The following PHC3 variants were observed in gnomAD, a reference collection of about 807,000 sequenced individuals.
PHC3 encodes polyhomeotic homolog 3, also known as polyhomeotic-like protein 3.
A neutral mutation model predicts 107.4 loss-of-function variants in PHC3; 13 were observed. That is an observed-to-expected ratio of 0.12 (90% CI 0.08 to 0.19). The LOEUF (loss-of-function observed/expected upper bound fraction) is 0.19. Ranked by LOEUF, PHC3 falls within the 10% of genes least tolerant of loss-of-function variation. The pLI, the probability that PHC3 is intolerant of heterozygous loss-of-function variation, is 1.00. For missense variants in PHC3, 992 were observed against 1,210.9 expected, an observed-to-expected ratio of 0.82 and a Z score of 2.68; for synonymous variants, 456 against 427.4, an observed-to-expected ratio of 1.07 and a Z score of -0.83.
At chr3:170,172,479 T>C (rs1729760818) in intron 3 of PHC3, 78 bp downstream of exon 3, 2 of 1,466,306 alleles carry the variant, frequency 1.4e-6, no homozygotes, top group Non-Finnish European at 9.3e-7. Context: ...TCTGAAATAA[T>C]ACCCAATCTA....
intron 4 of PHC3, among the ~76,000 whole-genome samples, chr3:170,164,057 C>G (rs1033833600): frequency 6.6e-6 from 1 of 151,938 alleles, no homozygotes; most frequent in African/African-American, 2.4e-5. Flanking sequence ...ACAAAAATAG[C>G]TGGGTGTGGA....
intron 12 of PHC3, among the ~76,000 whole-genome samples, chr3:170,104,077 TAAAAATAA>T (rs561157894): frequency 4.1e-4 from 62 of 151,816 alleles, no homozygotes; most frequent in Non-Finnish European, 7.1e-4. Context: ...CTCAAAACAA[TAAAAATAA>T]AAAAATAAAA....
chr3:170,108,872 C>T (rs1158029238), intron 11 of PHC3, among the ~76,000 whole-genome samples: 1 of 152,048 alleles, frequency 6.6e-6, no homozygotes, highest in East Asian at 1.9e-4. Flanking sequence ...TAGCAATGTC[C>T]AACACCTGAT....
At chr3:170,111,321 C>G (rs6768770) in intron 11 of PHC3, among the ~76,000 whole-genome samples, 3,369 of 77,970 alleles carry the variant, frequency 0.043, 41 homozygotes, top group Middle Eastern at 0.078. Flanking sequence ...AAGGAAGGAA[C>G]GAACGAACGA....
chr3:170,171,261 T>TA, intron 4 of PHC3, 112 bp downstream of exon 4: 3 of 741,830 alleles, frequency 4.0e-6, no homozygotes, highest in Non-Finnish European at 4.4e-6. Flanking sequence ...ATTGTTACTT[T>TA]AAACAGCATG....
At chr3:170,151,420 A>T (rs1422837758) in intron 4 of PHC3, among the ~76,000 whole-genome samples, 1 of 152,210 alleles carries the variant, frequency 6.6e-6, no homozygotes, top group Admixed American at 6.5e-5. Flanking sequence ...CTAGATCAAC[A>T]TGAAAAAATC....
chr3:170,151,041 TTTCTACTAAAAA>T (rs1725874062), intron 4 of PHC3, among the ~76,000 whole-genome samples: 1 of 151,950 alleles, frequency 6.6e-6, no homozygotes, highest in Non-Finnish European at 1.5e-5. Flanking sequence ...TGAAATCCCA[TTTCTACTAAAAA>T]TACAAAAATT....
At chr3:170,180,836 A>G (rs1731272090) in intron 1 of PHC3, among the ~76,000 whole-genome samples, 1 of 152,220 alleles carries the variant, frequency 6.6e-6, no homozygotes, top group African/African-American at 2.4e-5. Flanking sequence ...CAGAGAATCC[A>G]AATTCTCGGC....
intron 11 of PHC3, among the ~76,000 whole-genome samples, chr3:170,107,923 G>A (rs1368616889): frequency 6.6e-6 from 1 of 152,056 alleles, no homozygotes; most frequent in East Asian, 1.9e-4. Context: ...TCTGTAAAAT[G>A]GGGTTTATAA....
chr3:170,172,736 T>C (rs371374344), intron 2 of PHC3, 24 bp from the exon 3 acceptor site: 3 of 1,569,202 alleles, frequency 1.9e-6, no homozygotes, highest in African/African-American at 2.7e-5. Flanking sequence ...ATTGAACCAA[T>C]GTCAAACCAT....
intron 8 of PHC3, among the ~76,000 whole-genome samples, chr3:170,123,138 C>T (rs1720662919): frequency 6.6e-6 from 1 of 152,102 alleles, no homozygotes; most frequent in South Asian, 2.1e-4. Flanking sequence ...GCACACTAAG[C>T]GAATTCCTAC....
chr3:170,177,100 A>C (rs118169038), intron 2 of PHC3, among the ~76,000 whole-genome samples: 1 of 152,228 alleles, frequency 6.6e-6, no homozygotes, highest in East Asian at 1.9e-4. Context: ...CTCTGCCCCT[A>C]AGGTATTTAG....
At chr3:170,161,812 A>C (rs1727940728) in intron 4 of PHC3, among the ~76,000 whole-genome samples, 1 of 152,238 alleles carries the variant, frequency 6.6e-6, no homozygotes, top group Non-Finnish European at 1.5e-5. Flanking sequence ...CTCACGTAGC[A>C]GAGAAATTGC....
intron 10 of PHC3, among the ~76,000 whole-genome samples, chr3:170,115,334 T>C (rs1407315718): frequency 1.3e-5 from 2 of 152,114 alleles, no homozygotes; most frequent in African/African-American, 4.8e-5. Flanking sequence ...GAACTGTATG[T>C]ACCATAATCT....
In PHC3 at chr3:170,102,619, C is replaced by A. The variant is rs1194629525; in HGVS notation, c.2693G>T (p.Ser898Ile). ...AAGCTCACGTTCTCTTTCCCGCTCG[C>A]TCTGCCTGCGCAGACGAGTTGTCAT... ...SAMTTRLRRQ[S>I]ERERERELRD... The change falls in exon 14 of 15, where the codon AGC (serine) becomes ATC (isoleucine). Residue 898 changes from serine (S) to isoleucine (I), a missense_variant. Coordinates refer to ENST00000495893, the MANE Select transcript of PHC3 (RefSeq NM_024947.4). The A allele has an allele frequency of 6.2e-7, 1 of 1,614,018 alleles. No individual in the cohort carries two copies. The highest frequency in any genetic ancestry group is 8.5e-7 in the Non-Finnish European group (1 of 1,179,872).
chr3:170,160,149 T>C (rs1727646864), intron 4 of PHC3, among the ~76,000 whole-genome samples: 1 of 152,178 alleles, frequency 6.6e-6, no homozygotes, highest in Non-Finnish European at 1.5e-5. Context: ...GCATAGACTG[T>C]CCTCAGGAAT....
intron 6 of PHC3, 96 bp from the exon 7 acceptor site, chr3:170,136,761 A>G (rs1289399014): frequency 1.5e-5 from 19 of 1,304,502 alleles, no homozygotes; most frequent in Non-Finnish European, 1.9e-5. Flanking sequence ...ACACATTTAT[A>G]TTATGCTTTT....
rs747209409 is a variant in PHC3 at position 170,090,912 on chromosome 3, A to ACTAC, written c.*6314_*6317dup. 6 of 152,212 alleles carry ACTAC rather than the reference A, an allele frequency of 3.9e-5. No individual in the cohort carries two copies. Among genetic ancestry groups the ACTAC allele is most frequent in the Non-Finnish European group, 8.8e-5 (6 of 68,032 alleles). The allele number at this position is 152,212 out of a possible 1,614,324, so 9.4% of individuals were successfully genotyped here. Reference sequence around the variant, plus strand: ...ATAGATTATTTACTGATTATTTAATACTACCCAAAACAAAAAATACTTTTA... The same window carrying ACTAC: ...ATAGATTATTTACTGATTATTTAATACTACCTACCCAAAACAAAAAATACTTTTA... On this transcript the variant is annotated 3_prime_UTR_variant, in exon 15 of 15. Transcript: ENST00000495893.
intron 7 of PHC3, among the ~76,000 whole-genome samples, chr3:170,132,637 G>C (rs928554004): frequency 2.6e-5 from 4 of 152,316 alleles, no homozygotes; most frequent in African/African-American, 7.2e-5. Context: ...GCCTTCACCA[G>C]AAACTGAACA....
Sources: allele counts gnomAD v4.1 joint callset (sites outside exome capture counted in the v4.1 genomes callset), GRCh38; gene constraint gnomAD v4.1.1; transcripts MANE v1.5; gene names NCBI Gene and HGNC (gene_info 2026-07-23, HGNC 2026-07-21).